The following SDK1 variants were observed in gnomAD, a reference collection of about 807,000 sequenced individuals.
The protein encoded by SDK1 is protein sidekick-1.
A neutral mutation model predicts 245.5 loss-of-function variants in SDK1; 157 were observed. The ratio of observed to expected loss-of-function variants is 0.64; its 90% CI spans 0.56 to 0.73. The LOEUF is 0.73. Ranked by LOEUF, SDK1 falls within the 30% of genes least tolerant of loss-of-function variation. The pLI is 0.00. For synonymous variants in SDK1, 1,647 were observed against 1,278.5 expected (o/e 1.29, Z -6.15); for missense variants, 3,583 against 3,002.3 (o/e 1.19, Z -4.52).
chr7:3,764,343 A>G (rs1416102482), intron 4 of SDK1, among the ~76,000 whole-genome samples: 1 of 152,190 alleles, frequency 6.6e-6, no homozygotes, highest in African/African-American at 2.4e-5. Context: ...TACAACAAAT[A>G]TTTAATCATG....
At chr7:3,563,733 C>A (rs568549351) in intron 1 of SDK1, among the ~76,000 whole-genome samples, 1 of 152,214 alleles carries the variant, frequency 6.6e-6, no homozygotes, top group East Asian at 1.9e-4. Context: ...AAACTGCATA[C>A]TTGAGACAAT....
chr7:3,972,079 C>CT (rs10707387), intron 12 of SDK1, among the ~76,000 whole-genome samples: 26,543 of 123,266 alleles, frequency 0.22, 3,304 homozygotes, highest in Non-Finnish European at 0.28. Context: ...TGAGGGTTCT[C>CT]TTTTTTTTTT....
chr7:4,050,802 T>C (rs1248987769), intron 18 of SDK1, among the ~76,000 whole-genome samples: 2 of 149,938 alleles, frequency 1.3e-5, no homozygotes, highest in Non-Finnish European at 3.0e-5. Context: ...TTGTGCTGTT[T>C]CAGCTGAATT....
rs539297351 is a variant in SDK1, at chr7:3,747,450, A to G, written c.714-74000A>G. ...AAATTTTAAAGAATTCTGAGAATTG[A>G]TTAGATGCACTGTGGCTTTTGTTTA... On this transcript the variant is annotated intron_variant, in intron 4 of 44. Transcript: ENST00000404826. Among the ~76,000 whole-genome samples the G allele has an allele frequency of 3.9e-4, 59 of 152,332 alleles. 2 individuals are homozygous for G. In the South Asian group the frequency reaches 0.012, roughly 30 times the overall value.
At chr7:3,981,221 C>G (rs1364421345) in intron 13 of SDK1, among the ~76,000 whole-genome samples, 1 of 152,134 alleles carries the variant, frequency 6.6e-6, no homozygotes, top group Admixed American at 6.6e-5. Flanking sequence ...TTGAATGTTA[C>G]TATTGTAATT....
chr7:3,851,699 TAC>T (rs1441696998), intron 5 of SDK1, among the ~76,000 whole-genome samples: 1 of 152,176 alleles, frequency 6.6e-6, no homozygotes, highest in Admixed American at 6.5e-5. Context: ...TCAGTAATTT[TAC>T]ACAGTCCACC....
chr7:4,242,429 A>G (rs900021716), intron 43 of SDK1, among the ~76,000 whole-genome samples: 2 of 152,146 alleles, frequency 1.3e-5, no homozygotes, highest in Non-Finnish European at 2.9e-5. Context: ...TCCTTAGCTT[A>G]TAATCCTTTT....
intron 5 of SDK1, among the ~76,000 whole-genome samples, chr7:3,912,209 G>GGAT (rs1459237649): frequency 1.3e-5 from 2 of 152,284 alleles, no homozygotes; most frequent in East Asian, 3.9e-4. Flanking sequence ...GTAATAGAGA[G>GGAT]GATGAGCCAG....
At chr7:4,089,075 C>T (rs956941195) in intron 22 of SDK1, among the ~76,000 whole-genome samples, 4 of 140,436 alleles carry the variant, frequency 2.8e-5, no homozygotes, top group Admixed American at 1.4e-4. Flanking sequence ...GAGGTGAGAC[C>T]CTCCCTCAGG....
chr7:3,789,184 G>T (rs1256414177), intron 4 of SDK1, among the ~76,000 whole-genome samples: 1 of 152,056 alleles, frequency 6.6e-6, no homozygotes, highest in Non-Finnish European at 1.5e-5. Context: ...TTTCACTCCT[G>T]TTACCCAGGC....
intron 1 of SDK1, among the ~76,000 whole-genome samples, chr7:3,462,297 T>G (rs1780857590): frequency 6.6e-6 from 1 of 152,072 alleles, no homozygotes; most frequent in Non-Finnish European, 1.5e-5. Flanking sequence ...CTAAATGACC[T>G]CTGCTCCCTC....
intron 1 of SDK1, among the ~76,000 whole-genome samples, chr7:3,526,308 C>T (rs1783129099): frequency 6.6e-6 from 1 of 151,794 alleles, no homozygotes; most frequent in South Asian, 2.1e-4. Context: ...ATATAATTTA[C>T]CATGGATTTT....
At chr7:3,715,712 A>T (rs1464406466) in intron 4 of SDK1, among the ~76,000 whole-genome samples, 2 of 152,344 alleles carry the variant, frequency 1.3e-5, no homozygotes, top group East Asian at 3.9e-4. Flanking sequence ...AAGGAGTCTT[A>T]ACATAATATC....
At chr7:4,152,047 T>C (rs1246635543) in intron 30 of SDK1, among the ~76,000 whole-genome samples, 1 of 152,184 alleles carries the variant, frequency 6.6e-6, no homozygotes, top group African/African-American at 2.4e-5. Context: ...AGTCCAACCC[T>C]TGGCTGCCTG....
chr7:3,847,934 A>T (rs1170350688), intron 5 of SDK1, among the ~76,000 whole-genome samples: 1 of 152,218 alleles, frequency 6.6e-6, no homozygotes, highest in Middle Eastern at 3.2e-3. Flanking sequence ...AGACCCTAAT[A>T]TAATGTTCTT....
At chr7:3,367,655 C>G (rs1215148848) in intron 1 of SDK1, among the ~76,000 whole-genome samples, 1 of 152,194 alleles carries the variant, frequency 6.6e-6, no homozygotes, top group African/African-American at 2.4e-5. Flanking sequence ...CTATAGTCAG[C>G]TGAGTTGGAG....
intron 1 of SDK1, among the ~76,000 whole-genome samples, chr7:3,337,712 G>T (rs971398230): frequency 1.3e-5 from 2 of 152,214 alleles, no homozygotes; most frequent in African/African-American, 4.8e-5. Context: ...CATCTGGAAT[G>T]ATGGTGGCCA....
intron 44 of SDK1, among the ~76,000 whole-genome samples, chr7:4,254,600 C>G (rs1583183804): frequency 6.7e-6 from 1 of 150,348 alleles, no homozygotes; most frequent in East Asian, 1.9e-4. Flanking sequence ...CTGCTTAGTC[C>G]AATGTTTGGG....
At chr7:3,317,184 A>G (rs1309385104) in intron 1 of SDK1, among the ~76,000 whole-genome samples, 1 of 145,336 alleles carries the variant, frequency 6.9e-6, no homozygotes, top group Non-Finnish European at 1.5e-5. Context: ...CTGTCTCAAA[A>G]AAAAAAAAAA....
Sources: allele counts gnomAD v4.1 joint callset (sites outside exome capture counted in the v4.1 genomes callset), GRCh38; gene constraint gnomAD v4.1.1; transcripts MANE v1.5; gene names NCBI Gene and HGNC (gene_info 2026-07-23, HGNC 2026-07-21).